Variants in ATP8B1 observed in about 807,000 individuals in gnomAD.
The protein encoded by ATP8B1 is ATPase phospholipid transporting 8B1.
A neutral mutation model predicts 149.9 loss-of-function variants in ATP8B1; 80 were observed. That is an observed-to-expected ratio of 0.53 (90% CI 0.45 to 0.64). ATP8B1 has a LOEUF of 0.64. Ranked by LOEUF, ATP8B1 falls within the 30% of genes least tolerant of loss-of-function variation. The pLI is 0.00. For missense variants in ATP8B1, 1,247 were observed against 1,552.6 expected (o/e 0.80, Z 3.31); for synonymous variants, 536 against 562.8 (o/e 0.95, Z 0.67).
chr18:57,768,450 A>G (rs1264966750), intron 1 of ATP8B1, among the ~76,000 whole-genome samples: 9 of 151,514 alleles, frequency 5.9e-5, no homozygotes, highest in Non-Finnish European at 1.0e-4. Context: ...TTCTTAAGCT[A>G]CTAAGAAGAA....
chr18:57,747,139 AG>A (rs375283279), intron 1 of ATP8B1, among the ~76,000 whole-genome samples: 44 of 152,320 alleles, frequency 2.9e-4, no homozygotes, highest in African/African-American at 7.2e-4. Flanking sequence ...GAGGGGCCAG[AG>A]ACAAAGATAG....
chr18:57,751,984 T>C (rs1369819994), intron 1 of ATP8B1, among the ~76,000 whole-genome samples: 2 of 152,008 alleles, frequency 1.3e-5, no homozygotes, highest in Non-Finnish European at 2.9e-5. Context: ...GGTGGGCAGA[T>C]TGCTTGAGCT....
At chr18:57,688,863 T>C (rs1188285166) in intron 12 of ATP8B1, among the ~76,000 whole-genome samples, 1 of 152,186 alleles carries the variant, frequency 6.6e-6, no homozygotes, top group African/African-American at 2.4e-5. Context: ...ACCCTGAATC[T>C]GCCGATGCTT....
In ATP8B1 at chr18:57,748,458, T is replaced by C. The variant is rs539178706; in HGVS notation, c.-25-16626A>G. Reference sequence around the variant, plus strand: ...GTGCAAAACCTTGATCTTGAACTTCTGGCTTCCAGATTTGTGAGACAATAA... The same window carrying C: ...GTGCAAAACCTTGATCTTGAACTTCCGGCTTCCAGATTTGTGAGACAATAA... On this transcript the variant is annotated intron_variant, in intron 1 of 27. Coordinates refer to ENST00000648908, the MANE Select transcript of ATP8B1 (RefSeq NM_001374385.1). 3.5e-4 allele frequency among the ~76,000 whole-genome samples: 53 copies of C among 152,340 alleles called. No homozygotes were observed. The South Asian group carries it at 7.0e-3, about 20-fold the overall frequency.
At chr18:57,752,207 A>AAAT (rs74183222) in intron 1 of ATP8B1, among the ~76,000 whole-genome samples, 18,566 of 138,108 alleles carry the variant, frequency 0.13, 1,361 homozygotes, top group African/African-American at 0.14. Context: ...ACCCTGTCTC[A>AAAT]AATAATAATA....
At chr18:57,668,570 A>AAAAAAAC in intron 18 of ATP8B1, 30 bp from the exon 19 acceptor site, 1 of 1,434,348 alleles carries the variant, frequency 7.0e-7, no homozygotes, top group South Asian at 1.3e-5. Context: ...AAAAAAAAAA[A>AAAAAAAC]GGAATTAGCA....
intron 16 of ATP8B1, among the ~76,000 whole-genome samples, chr18:57,672,638 G>A (rs868530817): frequency 3.3e-5 from 5 of 151,792 alleles, no homozygotes; most frequent in Admixed American, 2.0e-4. Flanking sequence ...AGGCCAAGGC[G>A]GGCCAGTCAC....
rs138394282 is a variant in ATP8B1 at position 57,742,970 on chromosome 18, A to C, written c.-25-11138T>G. ...TTTCATTCCCCTGGCTAAGGTTCAAAGGATTTCTTAGTCCAGCATTGCCAT... is the reference window on the plus strand; with the variant it reads ...TTTCATTCCCCTGGCTAAGGTTCAACGGATTTCTTAGTCCAGCATTGCCAT... On this transcript the variant is annotated intron_variant, in intron 1 of 27. Coordinates refer to ENST00000648908, the MANE Select transcript of ATP8B1 (RefSeq NM_001374385.1). Among the ~76,000 whole-genome samples, 20 of 152,304 alleles carry C rather than the reference A, an allele frequency of 1.3e-4. No homozygotes were observed. In the East Asian group the frequency reaches 3.7e-3, roughly 28 times the overall value.
At position 57,662,016 on chromosome 18, in the gene ATP8B1, CTA is replaced by C. The variant is rs924020798; in HGVS notation, c.2418+465_2418+466del. Among the ~76,000 whole-genome samples, 37 of 152,134 alleles carry C rather than the reference CTA, an allele frequency of 2.4e-4. 1 individual carries two copies. Among genetic ancestry groups the C allele is most frequent in the Admixed American group, 1.3e-3 (20 of 15,272 alleles). The stretch of plus-strand genomic sequence containing the variant: ...CACAGGCGTGAGCCACTGTGCTCAG[CTA>C]TATATATATTTTTCAATGGAGATGG... On this transcript the variant is annotated intron_variant, in intron 21 of 27. Coordinates refer to ENST00000648908, the MANE Select transcript of ATP8B1 (RefSeq NM_001374385.1).
intron 1 of ATP8B1, among the ~76,000 whole-genome samples, chr18:57,776,714 C>G (rs1300866376): frequency 6.6e-6 from 1 of 150,560 alleles, no homozygotes; most frequent in Non-Finnish European, 1.5e-5. Flanking sequence ...AAGAAAAAAG[C>G]AATTATTTTT....
chr18:57,720,908 C>T (rs1320099617), intron 2 of ATP8B1, among the ~76,000 whole-genome samples: 2 of 150,766 alleles, frequency 1.3e-5, no homozygotes, highest in African/African-American at 4.9e-5. Context: ...TCGGCAGAAA[C>T]CCTACAAGCC....
Position 57,688,376 on chromosome 18 carries a change from A to G in ATP8B1, c.1352T>C (p.Ile451Thr). 6.2e-7 allele frequency: 1 copy of G among 1,614,162 alleles called. No homozygotes were observed. Among genetic ancestry groups the G allele is most frequent in the Non-Finnish European group, 8.5e-7 (1 of 1,180,030 alleles). ...GAGTGTCCCCGTCTTATCAGAGAAG[A>G]TATAATGGATCTGCCCGAGCTGTTC... is the stretch of plus-strand genomic sequence containing the variant. ...LNEQLGQIHY[I>T]FSDKTGTLTQ... The change falls in exon 13 of 28, where the codon ATC (isoleucine) becomes ACC (threonine). Residue 451 changes from isoleucine (I) to threonine (T), a missense_variant. By Grantham distance (89) the Ile-to-Thr change is moderately conservative. Transcript: ENST00000648908.
intron 1 of ATP8B1, among the ~76,000 whole-genome samples, chr18:57,735,832 A>T (rs2079846291): frequency 6.6e-6 from 1 of 152,156 alleles, no homozygotes; most frequent in Non-Finnish European, 1.5e-5. Flanking sequence ...AAGTTCTAGG[A>T]TACATGTGCA....
Position 57,694,690 on chromosome 18 carries a change from T to G in ATP8B1, c.941-20A>C. ...CAGCACCTGAAAATGGAAAATTCAA[T>G]GTAGTCATCAGTTGGGAAAAATCAA... On this transcript the variant is annotated intron_variant, in intron 10 of 27. Transcript: ENST00000648908. 1.3e-6 allele frequency: 2 copies of G among 1,481,768 alleles called. No homozygotes were observed. Among genetic ancestry groups the G allele is most frequent in the Non-Finnish European group, 1.9e-6 (2 of 1,060,742 alleles). The allele number at this position is 1,481,768 out of a possible 1,614,324, so 91.8% of individuals were successfully genotyped here. A position where few individuals can be genotyped will look rare whatever the true frequency, so the allele number is the denominator to read the frequency against.
rs776019659 is a variant in ATP8B1 at position 57,774,576 on chromosome 18, A to G, written c.-26+28422T>C. 2.2e-4 allele frequency among the ~76,000 whole-genome samples: 34 copies of G among 151,996 alleles called. 1 individual carries two copies. Among genetic ancestry groups the G allele is most frequent in the Non-Finnish European group, 4.3e-4 (29 of 68,034 alleles). ...GTGCCATTGCACTCCAGCCTGGGCGACAGAGTGTGAGACTCCATCTCAAAA... is the reference window on the plus strand; with the variant it reads ...GTGCCATTGCACTCCAGCCTGGGCGGCAGAGTGTGAGACTCCATCTCAAAA... On this transcript the variant is annotated intron_variant, in intron 1 of 27. Coordinates refer to ENST00000648908, the MANE Select transcript of ATP8B1 (RefSeq NM_001374385.1).
intron 1 of ATP8B1, among the ~76,000 whole-genome samples, chr18:57,783,057 C>A (rs1240835294): frequency 6.6e-6 from 1 of 152,030 alleles, no homozygotes; most frequent in Non-Finnish European, 1.5e-5. Flanking sequence ...AAGTGATCTG[C>A]CTGCCTCAGC....
intron 3 of ATP8B1, among the ~76,000 whole-genome samples, chr18:57,705,732 C>T (rs1387082870): frequency 6.6e-6 from 1 of 152,208 alleles, no homozygotes; most frequent in Non-Finnish European, 1.5e-5. Context: ...AGATTTCAGA[C>T]TTCTGATCCC....
chr18:57,731,871 T>C, intron 1 of ATP8B1, 39 bp from the exon 2 acceptor site: 1 of 1,599,160 alleles, frequency 6.3e-7, no homozygotes, highest in Non-Finnish European at 8.6e-7. Flanking sequence ...TTATGACTCT[T>C]GCCCAGTTTT....
At chr18:57,783,938 A>G (rs1000115500) in intron 1 of ATP8B1, among the ~76,000 whole-genome samples, 1 of 152,204 alleles carries the variant, frequency 6.6e-6, no homozygotes, top group African/African-American at 2.4e-5. Flanking sequence ...AGCTGTTGTC[A>G]TTTCAACAGT....
Sources: gnomAD v4.1 joint callset for allele counts (sites outside exome capture counted in the v4.1 genomes callset) on GRCh38, gnomAD v4.1.1 for gene constraint, MANE v1.5 for transcripts, NCBI Gene and HGNC (gene_info 2026-07-23, HGNC 2026-07-21) for gene names.